SCAF11: variants seen among roughly 807,000 people sequenced by gnomAD.
The protein encoded by SCAF11 is protein SCAF11.
Under a neutral mutation model 140.5 loss-of-function variants are expected in SCAF11, and 47 were observed. That is an observed-to-expected ratio of 0.33 (90% confidence interval 0.26 to 0.43). The LOEUF is 0.43. Ranked by LOEUF, SCAF11 falls within the 20% of genes least tolerant of loss-of-function variation. The pLI, the probability that SCAF11 is intolerant of heterozygous loss-of-function variation, is 1.00. For missense variants in SCAF11, 1,645 were observed against 1,705.1 expected, an observed-to-expected ratio of 0.96 and a Z score of 0.62; for synonymous variants, 557 against 579.4, an observed-to-expected ratio of 0.96 and a Z score of 0.55.
chr12:45,928,509 C>T lies in SCAF11; in HGVS notation c.1192G>A (p.Glu398Lys). The change falls in exon 11 of 15, where the codon GAA (glutamate) becomes AAA (lysine). Residue 398 changes from glutamate to lysine, a missense_variant. Glu to Lys is a moderately conservative substitution (Grantham distance 56, BLOSUM62 1). Transcript: ENST00000369367. Reference protein sequence around the residue: ...KKLRSSVAAPEKSSSNDSVDE... With the variant: ...KKLRSSVAAPKKSSSNDSVDE... ...ACTGAATCATTGGAAGATGATTTTTCAGGGGCAGCTACAGAGCTCCGAAGT... is the reference window on the plus strand; with the variant it reads ...ACTGAATCATTGGAAGATGATTTTTTAGGGGCAGCTACAGAGCTCCGAAGT... 1 of 1,613,424 alleles carries T rather than the reference C, an allele frequency of 6.2e-7. No homozygotes were observed.
chr12:45,934,651 T>C (rs908801404), intron 6 of SCAF11, 146 bp from the exon 7 acceptor site: 15 of 485,608 alleles, frequency 3.1e-5, no homozygotes, highest in Non-Finnish European at 1.1e-5. Context: ...TTTACACAAT[T>C]TTCCCAAATG....
chr12:45,958,133 G>A (rs1945742161), intron 3 of SCAF11, among the ~76,000 whole-genome samples: 1 of 151,648 alleles, frequency 6.6e-6, no homozygotes, highest in South Asian at 2.1e-4. Flanking sequence ...TTAAACTCCT[G>A]GGCTCGAGTG....
At chr12:45,970,949 G>C (rs574299516) in intron 1 of SCAF11, among the ~76,000 whole-genome samples, 1 of 152,238 alleles carries the variant, frequency 6.6e-6, no homozygotes, top group Admixed American at 6.5e-5. Flanking sequence ...GCTCTACAAT[G>C]ATCAAAAACC....
Position 45,990,359 on chromosome 12 carries a change from C to A in SCAF11, c.-28G>T, listed in dbSNP as rs1946567961. On this transcript the variant is annotated 5_prime_UTR_variant, in exon 1 of 15. Coordinates refer to ENST00000369367, the MANE Select transcript of SCAF11 (RefSeq NM_004719.3). ...CGGGTCGACCAGTGTTTACCTCAGA[C>A]CGAGGTCGAGGCGCTCGGTCCGGCC... is the stretch of plus-strand genomic sequence containing the variant. 2.4e-6 allele frequency: 3 copies of A among 1,231,994 alleles called. No homozygotes were observed. The highest frequency in any genetic ancestry group is 4.1e-5 in the South Asian group (1 of 24,332). The allele number at this position is 1,231,994 out of a possible 1,614,324, so 76.3% of individuals were successfully genotyped here.
In SCAF11 at chr12:45,948,311, A is replaced by C. The variant is rs961963095; in HGVS notation, c.398+126T>G. ...TCAGCTAGTCCCTCCTTAAATTATC[A>C]AGTGTGTGCTTTTGAATAAGTGATT... On this transcript the variant is annotated intron_variant, in intron 5 of 14. Coordinates refer to ENST00000369367, the MANE Select transcript of SCAF11 (RefSeq NM_004719.3). 2.1e-5 allele frequency: 13 copies of C among 627,132 alleles called. No homozygotes were observed. In the African/African-American group the frequency reaches 2.3e-4, roughly 11 times the overall value. 38.8% of individuals were successfully genotyped at this position (627,132 alleles called of 1,614,324 possible).
intron 3 of SCAF11, chr12:45,961,127 A>G: frequency 3.7e-6 from 2 of 540,128 alleles, no homozygotes; most frequent in South Asian, 2.9e-5. Flanking sequence ...ATTAGTCCAC[A>G]CTAAATTAAA....
chr12:45,929,020 A>G (rs1252881654), intron 10 of SCAF11, 161 bp from the exon 11 acceptor site: 5 of 409,664 alleles, frequency 1.2e-5, no homozygotes, highest in African/African-American at 1.0e-4. Flanking sequence ...TCTGAGTAAT[A>G]TGACTTATTC....
rs371070696 is a variant in SCAF11 at position 45,927,134 on chromosome 12, G to T, written c.2567C>A (p.Ala856Glu). ...AGACTGAGATTGCCTCCTTTCTCTT[G>T]CAATATCCTTTTTTGGGGACTGAGA... ...SRSQSPKKDI[A>E]RERRQSQSRS... is the part of the protein sequence containing the mutation. Residue 856 changes from alanine (A) to glutamate (E), a missense_variant, in exon 11 of 15, where the codon GCA becomes GAA. Ala to Glu is a moderately radical substitution (Grantham distance 107). Coordinates refer to ENST00000369367, the MANE Select transcript of SCAF11 (RefSeq NM_004719.3). 1.7e-5 allele frequency: 27 copies of T among 1,613,950 alleles called. No individual in the cohort carries two copies. The highest frequency in any genetic ancestry group is 2.0e-5 in the Non-Finnish European group (24 of 1,180,004).
intron 1 of SCAF11, among the ~76,000 whole-genome samples, chr12:45,966,950 A>G (rs975033181): frequency 5.9e-5 from 9 of 152,226 alleles, no homozygotes; most frequent in Non-Finnish European, 1.2e-4. Context: ...TTAACACAGT[A>G]TTTTAAAAAC....
intron 1 of SCAF11, among the ~76,000 whole-genome samples, chr12:45,986,961 T>C (rs1946472567): frequency 6.6e-6 from 1 of 152,188 alleles, no homozygotes; most frequent in African/African-American, 2.4e-5. Context: ...CAGCATGAAA[T>C]CAGGCTAATG....
At position 45,926,744 on chromosome 12, in the gene SCAF11, T is replaced by C; in HGVS notation, c.2957A>G (p.Lys986Arg). The C allele has an allele frequency of 6.2e-7, 1 of 1,614,146 alleles. No individual in the cohort carries two copies. The highest frequency in any genetic ancestry group is 1.7e-5 in the Admixed American group (1 of 60,024). The change falls in exon 11 of 15, where the codon AAG becomes AGG. Residue 986 changes from lysine (K) to arginine (R), a missense_variant. Lys to Arg is a conservative substitution (Grantham distance 26). Transcript: ENST00000369367. ...RCPRGNDRYR[K>R]NDPEKQNENT... ...TTCATTCTGTTTCTCTGGGTCATTC[T>C]TTCTGTACCGATCATTTCCTCGTGG...
intron 12 of SCAF11, 132 bp from the exon 13 acceptor site, chr12:45,923,286 G>T: frequency 1.5e-6 from 1 of 687,618 alleles, no homozygotes; most frequent in Non-Finnish European, 2.4e-6. Flanking sequence ...GCATATTTCA[G>T]GTAATTATAT....
chr12:45,951,752 T>C, intron 3 of SCAF11, 25 bp from the exon 4 acceptor site: 1 of 1,432,994 alleles, frequency 7.0e-7, no homozygotes, highest in South Asian at 1.3e-5. Context: ...ACAAATTATA[T>C]CTTTACAAAT....
intron 1 of SCAF11, among the ~76,000 whole-genome samples, chr12:45,966,563 T>C (rs1046772575): frequency 6.6e-6 from 1 of 152,044 alleles, no homozygotes; most frequent in Non-Finnish European, 1.5e-5. Context: ...AAGCTGTTGT[T>C]TCATACAGAA....
At position 45,928,409 on chromosome 12, in the gene SCAF11, T is replaced by C. The variant is rs760297063; in HGVS notation, c.1292A>G (p.Asn431Ser). Residue 431 changes from asparagine to serine, a missense_variant, in exon 11 of 15, where the codon AAC becomes AGC. This residue lies in a region of SCAF11 where 1,582 missense variants were observed against 1,609.2 expected (regional missense o/e 0.98). Transcript: ENST00000369367. ...TACATGAGTCTGCACAGTACAAATGTTACTACTGTCTACATCTGGTTGGTG... is the reference window on the plus strand; with the variant it reads ...TACATGAGTCTGCACAGTACAAATGCTACTACTGTCTACATCTGGTTGGTG... ...KEHQPDVDSS[N>S]ICTVQTHVEN... The C allele has an allele frequency of 6.2e-7, 1 of 1,613,482 alleles. No homozygotes were observed. Among genetic ancestry groups the C allele is most frequent in the South Asian group, 1.1e-5 (1 of 91,014 alleles).
intron 1 of SCAF11, among the ~76,000 whole-genome samples, chr12:45,988,725 A>G (rs570033863): frequency 6.6e-6 from 1 of 152,356 alleles, no homozygotes; most frequent in East Asian, 1.9e-4. Flanking sequence ...TACTTACAGT[A>G]AGCAAACATT....
rs1182218743 is a variant in SCAF11 at position 45,928,283 on chromosome 12, G to A, written c.1418C>T (p.Ser473Leu). ...NYDTEERVGS[S>L]SSESCAQDLP... ...ATCTTGAGCACAAGACTCAGAAGAT[G>A]AAGATCCTACTCTTTCCTCTGTATC... Residue 473 changes from serine to leucine, a missense_variant, in exon 11 of 15, where the codon TCA (serine) becomes TTA (leucine). Physicochemically the swap from Ser to Leu is moderately radical, Grantham distance 145. This residue lies in a region of SCAF11 where 1,582 missense variants were observed against 1,609.2 expected (regional missense o/e 0.98). Transcript: ENST00000369367. The A allele has an allele frequency of 1.2e-6, 2 of 1,613,816 alleles. No individual in the cohort carries two copies. The highest frequency in any genetic ancestry group is 1.3e-5 in the African/African-American group (1 of 74,912).
intron 6 of SCAF11, among the ~76,000 whole-genome samples, chr12:45,944,404 A>G (rs1395000284): frequency 6.6e-6 from 1 of 152,196 alleles, no homozygotes; most frequent in Non-Finnish European, 1.5e-5. Context: ...ATTAATTCTA[A>G]TCAAAAACAA....
Position 45,934,491 on chromosome 12 carries a change from T to C in SCAF11, c.478A>G (p.Ser160Gly), listed in dbSNP as rs1945125661. The change falls in exon 7 of 15, where the codon AGT becomes GGT. Residue 160 changes from serine (S) to glycine (G), a missense_variant. Coordinates refer to ENST00000369367, the MANE Select transcript of SCAF11 (RefSeq NM_004719.3). The stretch of plus-strand genomic sequence containing the variant: ...GCATTTTTCTTTCCTCCTGTTTCAC[T>C]GTATAAAGAGTTTCCTGTACAAAGA... ...LKWIHRNSLYSETGGKKNAAI... is the reference protein window; with the variant it reads ...LKWIHRNSLYGETGGKKNAAI... 2 of 1,591,530 alleles carry C rather than the reference T, an allele frequency of 1.3e-6. No individual in the cohort carries two copies. Among genetic ancestry groups the C allele is most frequent in the East Asian group, 2.2e-5 (1 of 44,636 alleles).
Sources: gnomAD v4.1 joint callset for allele counts (sites outside exome capture counted in the v4.1 genomes callset) on GRCh38, gnomAD v4.1.1 for gene constraint, gnomAD v4.1.1 regional missense constraint, MANE v1.5 for transcripts, NCBI Gene and HGNC (gene_info 2026-07-23, HGNC 2026-07-21) for gene names.